Variants in PCDHA7 observed in about 807,000 individuals in gnomAD.
PCDHA7 encodes protocadherin alpha-7.
Under a neutral mutation model 57.2 loss-of-function variants are expected in PCDHA7, and 37 were observed. The ratio of observed to expected loss-of-function variants is 0.65; its 90% CI spans 0.50 to 0.85. PCDHA7 has a LOEUF of 0.85. Ranked by LOEUF, PCDHA7 falls within the 40% of genes least tolerant of loss-of-function variation. The pLI is 0.00. For synonymous variants in PCDHA7, 553 were observed against 558.8 expected (o/e 0.99, Z 0.15); for missense variants, 1,188 against 1,241.8 (o/e 0.96, Z 0.65).
chr5:140,930,769 T>G (rs1373924244), intron 1 of PCDHA7, among the ~76,000 whole-genome samples: 2 of 152,214 alleles, frequency 1.3e-5, no homozygotes, highest in Non-Finnish European at 2.9e-5. Context: ...TTTTCTGTAC[T>G]TAATATTTTC....
chr5:140,951,520 A>G (rs904780831), intron 1 of PCDHA7, among the ~76,000 whole-genome samples: 6 of 151,972 alleles, frequency 3.9e-5, no homozygotes, highest in Admixed American at 2.0e-4. Context: ...CTCATCTTAC[A>G]TGGCCGGTGC....
intron 1 of PCDHA7, chr5:140,842,014 A>C: frequency 6.2e-7 from 1 of 1,613,836 alleles, no homozygotes; most frequent in Non-Finnish European, 8.5e-7. Flanking sequence ...TGCTGGTCAC[A>C]GTGCTGGATG....
chr5:140,886,945 A>T (rs2061235497), intron 1 of PCDHA7, among the ~76,000 whole-genome samples: 1 of 152,148 alleles, frequency 6.6e-6, no homozygotes, highest in Admixed American at 6.5e-5. Flanking sequence ...TGTTCTACAC[A>T]TTAGACATTT....
At chr5:140,999,855 G>A (rs1019104615) in intron 3 of PCDHA7, among the ~76,000 whole-genome samples, 8 of 152,094 alleles carry the variant, frequency 5.3e-5, no homozygotes, top group Admixed American at 2.6e-4. Context: ...TATCTCTTCC[G>A]CTCCAAGATT....
chr5:140,982,772 A>T (rs144366377), intron 3 of PCDHA7, among the ~76,000 whole-genome samples: 67 of 152,052 alleles, frequency 4.4e-4, no homozygotes, highest in African/African-American at 1.5e-3. Context: ...TAACAAGGAA[A>T]GTGTGTGTGC....
chr5:141,000,689 A>G (rs1469257297), intron 3 of PCDHA7, among the ~76,000 whole-genome samples: 1 of 151,438 alleles, frequency 6.6e-6, no homozygotes, highest in African/African-American at 2.4e-5. Context: ...CTGCCTCCCA[A>G]AGTGCTGGGA....
chr5:140,967,733 C>A (rs1473723959), intron 1 of PCDHA7: 1 of 1,614,024 alleles, frequency 6.2e-7, no homozygotes, highest in Non-Finnish European at 8.5e-7. Flanking sequence ...AATTGGGGGG[C>A]TGGATTATGA....
chr5:140,877,944 A>C (rs538675333), intron 1 of PCDHA7: 48 of 1,359,672 alleles, frequency 3.5e-5, no homozygotes, highest in Non-Finnish European at 4.6e-5. Context: ...CCTTTAAACT[A>C]TCGAATGTCT....
rs2150227697 is a variant in PCDHA7 at position 140,834,836 on chromosome 5, G to C, written c.453G>C (p.Arg151=). The C allele has an allele frequency of 8.1e-6, 13 of 1,611,678 alleles. No individual in the cohort carries two copies. In the African/African-American group the frequency reaches 9.4e-5, roughly 12 times the overall value. The part of the protein sequence containing the change: ...FIAESRPLDS[R]FPLEGASDAD... Reference sequence around the variant, plus strand: ...CGGAATCCAGGCCGCTTGACTCTCGGTTTCCACTAGAGGGCGCGTCCGATG... The same window carrying C: ...CGGAATCCAGGCCGCTTGACTCTCGCTTTCCACTAGAGGGCGCGTCCGATG... Residue 151 remains arginine (R), a synonymous_variant, in exon 1 of 4, where the codon CGG becomes CGC. Coordinates refer to ENST00000525929, the MANE Select transcript of PCDHA7 (RefSeq NM_018910.3).
At chr5:140,937,705 G>T (rs892429555) in intron 1 of PCDHA7, among the ~76,000 whole-genome samples, 2 of 151,928 alleles carry the variant, frequency 1.3e-5, no homozygotes, top group Admixed American at 6.6e-5. Context: ...GAGGTCAGGA[G>T]ATCAAGACCA....
intron 1 of PCDHA7, chr5:140,884,308 G>C: frequency 6.2e-7 from 1 of 1,613,766 alleles, no homozygotes; most frequent in Non-Finnish European, 8.5e-7. Flanking sequence ...AGGCTTCGTC[G>C]AGGGCGTCGG....
intron 1 of PCDHA7, chr5:140,884,276 G>C: frequency 6.8e-6 from 11 of 1,613,638 alleles, no homozygotes; most frequent in Non-Finnish European, 9.3e-6. Context: ...GTTGTCGCTG[G>C]TGGAGAGCGG....
intron 1 of PCDHA7, chr5:140,876,762 G>A (rs1554168889): frequency 3.7e-6 from 6 of 1,614,252 alleles, no homozygotes; most frequent in Non-Finnish European, 5.1e-6. Flanking sequence ...CGCGGGATGG[G>A]GGCTCGCCTT....
At chr5:140,838,830 G>A (rs562018210) in intron 1 of PCDHA7, among the ~76,000 whole-genome samples, 1 of 151,882 alleles carries the variant, frequency 6.6e-6, no homozygotes, top group African/African-American at 2.4e-5. Context: ...ACTGAGGTGG[G>A]AGGATCACTT....
chr5:140,919,198 A>G (rs545072839), intron 1 of PCDHA7, among the ~76,000 whole-genome samples: 8 of 152,268 alleles, frequency 5.3e-5, no homozygotes, highest in Admixed American at 3.9e-4. Flanking sequence ...TCCTTTTGTC[A>G]TTATAAAATG....
intron 1 of PCDHA7, chr5:140,863,244 G>A (rs1292060203): frequency 7.3e-7 from 1 of 1,361,116 alleles, no homozygotes; most frequent in Non-Finnish European, 1.0e-6. Context: ...GGGCTTTGGC[G>A]GGCGTCGAGG....
chr5:140,852,182 A>C, intron 1 of PCDHA7: 1 of 758,132 alleles, frequency 1.3e-6, no homozygotes. Context: ...AATAACTATG[A>C]AAATGCCAGT....
intron 1 of PCDHA7, among the ~76,000 whole-genome samples, chr5:140,914,476 G>C (rs1054000684): frequency 6.6e-6 from 1 of 152,140 alleles, no homozygotes; most frequent in Non-Finnish European, 1.5e-5. Context: ...CTTCATAGGT[G>C]AAGTGTTTCT....
At position 140,942,948 on chromosome 5, in the gene PCDHA7, C is replaced by T. The variant is rs534534050; in HGVS notation, c.2356-36001C>T. 1.4e-4 allele frequency among the ~76,000 whole-genome samples: 22 copies of T among 151,804 alleles called. No individual in the cohort carries two copies. The South Asian group carries it at 4.0e-3, about 27-fold the overall frequency. On this transcript the variant is annotated intron_variant, in intron 1 of 3. Transcript: ENST00000525929. ...ATTGAAAAAGAGTTTAAAGTGTAGA[C>T]GTTCTGTTATCAGAATTAAATTTTG... is the stretch of plus-strand genomic sequence containing the variant.
Sources: allele counts gnomAD v4.1 joint callset (sites outside exome capture counted in the v4.1 genomes callset), GRCh38; gene constraint gnomAD v4.1.1; transcripts MANE v1.5; gene names NCBI Gene and HGNC (gene_info 2026-07-23, HGNC 2026-07-21).